The following BSN variants were observed in gnomAD, a reference collection of about 807,000 sequenced individuals.
The protein encoded by BSN is protein bassoon.
A neutral mutation model predicts 264.8 loss-of-function variants in BSN; 57 were observed. The observed-to-expected ratio is 0.22, with a 90% CI of 0.17 to 0.27. The LOEUF (loss-of-function observed/expected upper bound fraction) is 0.27, where lower values mean the gene tolerates loss of function less well. Among genes scored for constraint, BSN ranks in the 10% least tolerant of loss-of-function variants. The pLI is 1.00. For missense variants in BSN, 4,615 were observed against 5,232.5 expected, an observed-to-expected ratio of 0.88 and a Z score of 3.64; for synonymous variants, 2,059 against 2,137.3, an observed-to-expected ratio of 0.96 and a Z score of 1.01.
chr3:49,651,406 T>C lies in BSN; in HGVS notation c.1987-137T>C, dbSNP rs936297323. Reference sequence around the variant, plus strand: ...CAGGTTATTCAAGGCCAGAAGGAGATAGGGTGGGTGGCGGGCCCTAAACCC... The same window carrying C: ...CAGGTTATTCAAGGCCAGAAGGAGACAGGGTGGGTGGCGGGCCCTAAACCC... On this transcript the variant is annotated intron_variant, in intron 4 of 11. Coordinates refer to ENST00000296452, the MANE Select transcript of BSN (RefSeq NM_003458.4). The surrounding 1 kb of genome is among the most constrained non-coding windows in gnomAD (Gnocchi z 5.4). 2.1e-6 allele frequency: 2 copies of C among 942,392 alleles called. No individual in the cohort carries two copies. The highest frequency in any genetic ancestry group is 3.1e-6 in the Non-Finnish European group (2 of 638,970). The allele number at this position is 942,392 out of a possible 1,614,324, so 58.4% of individuals were successfully genotyped here.
In BSN at chr3:49,656,665, A is replaced by G; in HGVS notation, c.7109A>G (p.Glu2370Gly). The G allele has an allele frequency of 6.2e-7, 1 of 1,606,610 alleles. No individual in the cohort carries two copies. The highest frequency in any genetic ancestry group is 8.5e-7 in the Non-Finnish European group (1 of 1,176,776). Residue 2370 changes from glutamate (E) to glycine (G), a missense_variant, in exon 5 of 12, where the codon GAG (glutamate) becomes GGG (glycine). This residue lies in a region of BSN where 3,415 missense variants were observed against 3,866.4 expected (regional missense o/e 0.88). Coordinates refer to ENST00000296452, the MANE Select transcript of BSN (RefSeq NM_003458.4). ...SQEERQRKQQ[E>G]QLLQLERERV... ...GAGGAGAGGCAGCGGAAGCAACAGG[A>G]GCAGCTGCTCCAGCTAGAGCGGGAG...
chr3:49,622,923 G>C (rs1166671980), intron 1 of BSN, among the ~76,000 whole-genome samples: 1 of 152,180 alleles, frequency 6.6e-6, no homozygotes, highest in Non-Finnish European at 1.5e-5. Context: ...TGGCGGGTCT[G>C]TGACTGGATA....
rs1291066106 is a variant in BSN, at chr3:49,654,172, G to A, written c.4616G>A (p.Arg1539Gln). 3.7e-6 allele frequency: 6 copies of A among 1,613,926 alleles called. No individual in the cohort carries two copies. Among genetic ancestry groups the A allele is most frequent in the African/African-American group, 1.3e-5 (1 of 74,986 alleles). ...MVAQGTQTPHRPSTPRLVWQE... is the reference protein window; with the variant it reads ...MVAQGTQTPHQPSTPRLVWQE... ...GCCCAGGGTACACAAACACCACATCGACCCAGCACGCCTCGCCTGGTGTGG... is the reference window on the plus strand; with the variant it reads ...GCCCAGGGTACACAAACACCACATCAACCCAGCACGCCTCGCCTGGTGTGG... Residue 1539 changes from arginine to glutamine, a missense_variant, in exon 5 of 12, where the codon CGA becomes CAA. By Grantham distance (43) the Arg-to-Gln change is conservative. Around this residue, in one of 3 missense-constraint regions of BSN, gnomAD observed 3,415 missense variants for 3,866.4 expected, o/e 0.88. Transcript: ENST00000296452. The surrounding 1 kb of genome is among the most constrained non-coding windows in gnomAD (Gnocchi z 4.1).
intron 1 of BSN, among the ~76,000 whole-genome samples, chr3:49,564,508 G>A (rs1432876704): frequency 1.3e-5 from 2 of 152,184 alleles, no homozygotes; most frequent in African/African-American, 4.8e-5. Context: ...ACTTGTTTCA[G>A]GAACCATACT....
chr3:49,650,986 G>A lies in BSN; in HGVS notation c.1893G>A (p.Ala631=), dbSNP rs767707212. ...KPPPETTPTP[A]TPKVKSGVRR... ...CTCCAGAGACTACCCCAACCCCTGC[G>A]ACTCCTAAAGTAAAGAGTGGGGTGA... The change falls in exon 4 of 12, where the codon GCG becomes GCA. Residue 631 remains alanine, a synonymous_variant. Transcript: ENST00000296452. 6.8e-6 allele frequency: 11 copies of A among 1,614,098 alleles called. No individual in the cohort carries two copies. Among genetic ancestry groups the A allele is most frequent in the South Asian group, 3.3e-5 (3 of 91,076 alleles).
chr3:49,663,731 C>T, intron 7 of BSN, 56 bp from the exon 8 acceptor site: 4 of 1,610,640 alleles, frequency 2.5e-6, no homozygotes, highest in Non-Finnish European at 3.4e-6. Flanking sequence ...CTTGGACATC[C>T]CCTTGGTTCC....
intron 3 of BSN, among the ~76,000 whole-genome samples, chr3:49,648,696 CCCAGGG>C (rs2052517718): frequency 6.6e-6 from 1 of 152,190 alleles, no homozygotes; most frequent in Non-Finnish European, 1.5e-5. Flanking sequence ...GCCAAGTGAG[CCCAGGG>C]CCTGGCCAGT....
At chr3:49,571,978 C>G (rs907466688) in intron 1 of BSN, among the ~76,000 whole-genome samples, 1 of 152,160 alleles carries the variant, frequency 6.6e-6, no homozygotes, top group Non-Finnish European at 1.5e-5. Context: ...GTTTCTTTGT[C>G]CATTCATTCA....
At chr3:49,644,523 A>G (rs1169347499) in intron 3 of BSN, among the ~76,000 whole-genome samples, 1 of 152,148 alleles carries the variant, frequency 6.6e-6, no homozygotes, top group African/African-American at 2.4e-5. Context: ...CTGGTCTTCT[A>G]GGCACCACGA....
rs186927352 is a variant in BSN at position 49,567,839 on chromosome 3, C to T, written c.224+13013C>T. On this transcript the variant is annotated intron_variant, in intron 1 of 11. Coordinates refer to ENST00000296452, the MANE Select transcript of BSN (RefSeq NM_003458.4). ...TACTTCACAATGTCTGGAGTTTCAGCTGGAAGACTTGAAGGCCAGAGATTA... is the reference window on the plus strand; with the variant it reads ...TACTTCACAATGTCTGGAGTTTCAGTTGGAAGACTTGAAGGCCAGAGATTA... Among the ~76,000 whole-genome samples the T allele has an allele frequency of 1.3e-3, 200 of 152,320 alleles. 1 individual carries two copies. Among genetic ancestry groups the T allele is most frequent in the African/African-American group, 4.3e-3 (179 of 41,570 alleles).
intron 1 of BSN, among the ~76,000 whole-genome samples, chr3:49,571,914 T>G (rs1428866810): frequency 1.3e-5 from 2 of 152,194 alleles, no homozygotes; most frequent in East Asian, 3.8e-4. Context: ...GAGACCCTGC[T>G]TTATCCTCAG....
chr3:49,613,308 G>GAGAGAGAGAGAGAGAGAGAA (rs2052224666), intron 1 of BSN, among the ~76,000 whole-genome samples: 1 of 125,526 alleles, frequency 8.0e-6, no homozygotes, highest in African/African-American at 3.3e-5. Context: ...CAGAGCGAGA[G>GAGAGAGAGAGAGAGAGAGAA]AGAGAGAGAG....
chr3:49,620,814 G>A (rs2052299704), intron 1 of BSN, among the ~76,000 whole-genome samples: 1 of 152,134 alleles, frequency 6.6e-6, no homozygotes, highest in South Asian at 2.1e-4. Flanking sequence ...GCGAAACTCC[G>A]ACTCTACTAA....
rs561445449 is a variant in BSN at position 49,584,180 on chromosome 3, C to G, written c.224+29354C>G. Among the ~76,000 whole-genome samples, 6 of 152,206 alleles carry G rather than the reference C, an allele frequency of 3.9e-5. No homozygotes were observed. The South Asian group carries it at 1.2e-3, about 32-fold the overall frequency. On this transcript the variant is annotated intron_variant, in intron 1 of 11. Coordinates refer to ENST00000296452, the MANE Select transcript of BSN (RefSeq NM_003458.4). Reference sequence around the variant, plus strand: ...GATTACAGACGTGAGCCACCACGCCCGGCCAATCCTTTTAATTTATTTAAG... The same window carrying G: ...GATTACAGACGTGAGCCACCACGCCGGGCCAATCCTTTTAATTTATTTAAG...
downstream of BSN, among the ~76,000 whole-genome samples, chr3:49,672,611 G>A (rs1298125809): frequency 8.3e-5 from 12 of 144,350 alleles, no homozygotes; most frequent in South Asian, 4.5e-4. Flanking sequence ...CTCCCGAGTA[G>A]CTGGGATTAC....
chr3:49,633,973 G>A (rs1010670610), intron 2 of BSN, among the ~76,000 whole-genome samples: 10 of 152,016 alleles, frequency 6.6e-5, no homozygotes, highest in Non-Finnish European at 1.0e-4. Context: ...TTGGGAGGCC[G>A]AGGCAGGCGG....
At position 49,652,104 on chromosome 3, in the gene BSN, A is replaced by T. The variant is rs762104011; in HGVS notation, c.2548A>T (p.Met850Leu). 6.2e-7 allele frequency: 1 copy of T among 1,612,324 alleles called. No homozygotes were observed. The highest frequency in any genetic ancestry group is 1.7e-5 in the Admixed American group (1 of 59,928). ...EDFMRRQILE[M>L]SAEEDNLEED... The stretch of plus-strand genomic sequence containing the variant: ...TTTCATGCGACGGCAGATTCTCGAG[A>T]TGAGCGCCGAGGAAGACAACCTGGA... The change falls in exon 5 of 12, where the codon ATG becomes TTG. Residue 850 changes from methionine (M) to leucine (L), a missense_variant. Coordinates refer to ENST00000296452, the MANE Select transcript of BSN (RefSeq NM_003458.4).
At position 49,664,524 on chromosome 3, in the gene BSN, G is replaced by A. The variant is rs1259659096; in HGVS notation, c.11710G>A (p.Ala3904Thr). 2 of 1,609,948 alleles carry A rather than the reference G, an allele frequency of 1.2e-6. No homozygotes were observed. The highest frequency in any genetic ancestry group is 2.2e-5 in the South Asian group (2 of 90,674). ...SVFSKILPGGAAEQAGKLTEA... is the reference protein window; with the variant it reads ...SVFSKILPGGTAEQAGKLTEA... ...GTTCTCCAAGATCCTCCCTGGCGGG[G>A]CAGCCGAGCAAGCTGGCAAACTGAC... is the stretch of plus-strand genomic sequence containing the variant. Residue 3904 changes from alanine to threonine, a missense_variant, in exon 9 of 12, where the codon GCA becomes ACA. Ala to Thr is a moderately conservative substitution (Grantham distance 58, BLOSUM62 0). Coordinates refer to ENST00000296452, the MANE Select transcript of BSN (RefSeq NM_003458.4).
At chr3:49,601,383 A>C (rs919110750) in intron 1 of BSN, among the ~76,000 whole-genome samples, 2 of 152,190 alleles carry the variant, frequency 1.3e-5, no homozygotes, top group African/African-American at 4.8e-5. Context: ...TCTGGGCGTG[A>C]CAGCATCCCA....
Sources: gnomAD v4.1 joint callset for allele counts (sites outside exome capture counted in the v4.1 genomes callset) on GRCh38, gnomAD v4.1.1 for gene constraint, gnomAD v4.1.1 regional missense constraint, Gnocchi (gnomAD v3.1) non-coding constraint, MANE v1.5 for transcripts, NCBI Gene and HGNC (gene_info 2026-07-23, HGNC 2026-07-21) for gene names.